NUCB2: variants seen among roughly 807,000 people sequenced by gnomAD.
The protein encoded by NUCB2 is nucleobindin 2, also known as nucleobindin-2.
A neutral mutation model predicts 57.9 loss-of-function variants in NUCB2; 48 were observed. That is an observed-to-expected ratio of 0.83 (90% CI 0.66 to 1.05). The LOEUF is 1.05. NUCB2 is among the 50% of genes least tolerant of loss of function. The pLI is 0.00. For missense variants in NUCB2, 442 were observed against 476.2 expected (o/e 0.93, Z 0.67); for synonymous variants, 139 against 152.1 (o/e 0.91, Z 0.64).
Position 17,331,570 on chromosome 11 carries a change from G to T in NUCB2, c.*151G>T. On this transcript the variant is annotated 3_prime_UTR_variant, in exon 14 of 14. Coordinates refer to ENST00000529010, the MANE Select transcript of NUCB2 (RefSeq NM_005013.4). The stretch of plus-strand genomic sequence containing the variant: ...CTTTTTAAATGAAAACACTTTTTTT[G>T]GGACACAGATATTAAAGGATTGAAG... 1 of 450,152 alleles carries T rather than the reference G, an allele frequency of 2.2e-6. No homozygotes were observed. Among genetic ancestry groups the T allele is most frequent in the East Asian group, 3.6e-5 (1 of 28,038 alleles). 27.9% of individuals were successfully genotyped at this position (450,152 alleles called of 1,614,324 possible).
Position 17,301,663 on chromosome 11 carries a change from T to C in NUCB2, c.253-81T>C, listed in dbSNP as rs373289929. The C allele has an allele frequency of 1.2e-5, 12 of 965,720 alleles. No individual in the cohort carries two copies. In the South Asian group the frequency reaches 1.4e-4, roughly 12 times the overall value. 59.8% of individuals were successfully genotyped at this position (965,720 alleles called of 1,614,324 possible). Reference sequence around the variant, plus strand: ...TCAAAAGTATTTATCACTAATGTATTGTAACCCTGTTTTTAAGCTGTTGCA... The same window carrying C: ...TCAAAAGTATTTATCACTAATGTATCGTAACCCTGTTTTTAAGCTGTTGCA... On this transcript the variant is annotated intron_variant, in intron 4 of 13. Coordinates refer to ENST00000529010, the MANE Select transcript of NUCB2 (RefSeq NM_005013.4).
chr11:17,284,073 C>T (rs559784763), intron 2 of NUCB2, among the ~76,000 whole-genome samples: 12 of 152,216 alleles, frequency 7.9e-5, no homozygotes, highest in South Asian at 4.2e-4. Flanking sequence ...CTTTCACCCA[C>T]GCTGGAGTGC....
intron 13 of NUCB2, 109 bp downstream of exon 13, chr11:17,331,092 T>C: frequency 1.1e-6 from 1 of 872,180 alleles, no homozygotes; most frequent in Non-Finnish European, 1.7e-6. Flanking sequence ...TATGTTATTT[T>C]TTGTGTATTT....
chr11:17,348,319 G>GTTT (rs55741571), intron 2 of NUCB2, among the ~76,000 whole-genome samples: 8 of 84,466 alleles, frequency 9.5e-5, no homozygotes, highest in African/African-American at 2.5e-4. Flanking sequence ...TTGTTTTTGT[G>GTTT]TTTTTTTTTT....
intron 2 of NUCB2, among the ~76,000 whole-genome samples, chr11:17,346,093 A>G (rs1406443168): frequency 6.6e-6 from 1 of 152,226 alleles, no homozygotes; most frequent in African/African-American, 2.4e-5. Flanking sequence ...GACAATGTTA[A>G]TAGAATGGAT....
At chr11:17,298,617 C>T (rs951708269) in intron 4 of NUCB2, among the ~76,000 whole-genome samples, 4 of 151,092 alleles carry the variant, frequency 2.6e-5, no homozygotes, top group Non-Finnish European at 4.4e-5. Context: ...AAACGCAAAC[C>T]AATAGAATCA....
intron 2 of NUCB2, among the ~76,000 whole-genome samples, chr11:17,340,092 T>G (rs1369356838): frequency 6.6e-6 from 1 of 152,254 alleles, no homozygotes; most frequent in Non-Finnish European, 1.5e-5. Flanking sequence ...TTTGCATTTC[T>G]CTGATGGCCA....
At chr11:17,291,126 C>G (rs1944867569) in intron 2 of NUCB2, 1 of 152,202 alleles carries the variant, frequency 6.6e-6, no homozygotes. Flanking sequence ...CTTTCTTTCT[C>G]TGTGGATTTG....
chr11:17,307,693 C>T (rs532489425), intron 5 of NUCB2, among the ~76,000 whole-genome samples: 6 of 152,226 alleles, frequency 3.9e-5, no homozygotes, highest in Admixed American at 3.3e-4. Context: ...AGGCCCGTGT[C>T]AATTGACATT....
chr11:17,284,176 C>G (rs1379068966), intron 2 of NUCB2, among the ~76,000 whole-genome samples: 1 of 152,106 alleles, frequency 6.6e-6, no homozygotes, highest in Non-Finnish European at 1.5e-5. Context: ...CACCACCACA[C>G]CCAACTAATT....
At chr11:17,322,336 T>G (rs1950134193) in intron 11 of NUCB2, among the ~76,000 whole-genome samples, 1 of 152,192 alleles carries the variant, frequency 6.6e-6, no homozygotes, top group Non-Finnish European at 1.5e-5. Context: ...CAGCACCATT[T>G]ATTGAAGAGA....
chr11:17,327,729 C>T (rs139152392), intron 11 of NUCB2, among the ~76,000 whole-genome samples: 228 of 152,152 alleles, frequency 1.5e-3, no homozygotes, highest in East Asian at 7.1e-3. Flanking sequence ...CATTCTTCAG[C>T]GTGTCCGTTC....
At chr11:17,281,860 T>G (rs1013307606) in intron 1 of NUCB2, among the ~76,000 whole-genome samples, 10 of 152,156 alleles carry the variant, frequency 6.6e-5, no homozygotes, top group Non-Finnish European at 1.2e-4. Context: ...TATTTGCTTT[T>G]TTTTTTAACA....
intron 1 of NUCB2, among the ~76,000 whole-genome samples, chr11:17,281,733 A>G (rs865944518): frequency 1.3e-5 from 2 of 152,188 alleles, no homozygotes; most frequent in African/African-American, 2.4e-5. Flanking sequence ...AATAAAAGTC[A>G]TATAACTTTC....
chr11:17,348,378 A>G (rs1952941719), intron 2 of NUCB2, among the ~76,000 whole-genome samples: 1 of 115,226 alleles, frequency 8.7e-6, no homozygotes, highest in Non-Finnish European at 1.6e-5. Context: ...TCTGTCACCC[A>G]GGCTGGAGTG....
At chr11:17,336,371 T>A (rs1337278827), downstream of NUCB2, among the ~76,000 whole-genome samples, 1 of 152,182 alleles carries the variant, frequency 6.6e-6, no homozygotes, top group Non-Finnish European at 1.5e-5. Context: ...CATTTTGGGC[T>A]TCAGAATTTT....
chr11:17,290,825 A>G (rs1411401073), intron 2 of NUCB2, among the ~76,000 whole-genome samples: 1 of 152,154 alleles, frequency 6.6e-6, no homozygotes, highest in African/African-American at 2.4e-5. Context: ...GAAGGTGAAT[A>G]GTGGTTCATG....
Position 17,295,386 on chromosome 11 carries a change from T to A in NUCB2, c.63T>A (p.Ala21=). ...TCTTGATTACATGTTTACTTACTGCTCTTGAAGCTGTGCCTATTGACATAG... is the reference window on the plus strand; with the variant it reads ...TCTTGATTACATGTTTACTTACTGCACTTGAAGCTGTGCCTATTGACATAG... The part of the protein sequence containing the change: ...CFLLITCLLT[A]LEAVPIDIDK... The change falls in exon 3 of 14, where the codon GCT becomes GCA. Residue 21 remains alanine (A), a synonymous_variant. Coordinates refer to ENST00000529010, the MANE Select transcript of NUCB2 (RefSeq NM_005013.4). 6.2e-7 allele frequency: 1 copy of A among 1,613,582 alleles called. No individual in the cohort carries two copies.
In NUCB2 at chr11:17,345,503, TAA is replaced by T. The variant is rs1281857745; in HGVS notation, n.2627-3840_2627-3839del. On this transcript the variant is annotated intron_variant and non_coding_transcript_variant, in intron 2 of 2. Transcript: ENST00000532240. Reference sequence around the variant, plus strand: ...GCGGGTGGATCACGAGGTCAGGTGTTAAAGACCAGCCTGGCCAAGATGGTGAA... The same window carrying T: ...GCGGGTGGATCACGAGGTCAGGTGTTAGACCAGCCTGGCCAAGATGGTGAA... Among the ~76,000 whole-genome samples, 46 of 152,268 alleles carry T rather than the reference TAA, an allele frequency of 3.0e-4. No individual in the cohort carries two copies. The Middle Eastern group carries it at 0.017, about 57-fold the overall frequency.
Sources: gnomAD v4.1 joint callset for allele counts (sites outside exome capture counted in the v4.1 genomes callset) on GRCh38, gnomAD v4.1.1 for gene constraint, MANE v1.5 for transcripts, NCBI Gene and HGNC (gene_info 2026-07-23, HGNC 2026-07-21) for gene names.